Variants in KLHL1 observed in about 807,000 individuals in gnomAD.
KLHL1 encodes the protein kelch-like protein 1.
A neutral mutation model predicts 77.7 loss-of-function variants in KLHL1; 47 were observed. The observed-to-expected ratio is 0.60, with a 90% CI of 0.48 to 0.77. KLHL1 has a LOEUF of 0.77. Ranked by LOEUF, KLHL1 falls within the 30% of genes least tolerant of loss-of-function variation. The pLI, the probability that KLHL1 is intolerant of heterozygous loss-of-function variation, is 0.00. For synonymous variants in KLHL1, 360 were observed against 325.2 expected, an observed-to-expected ratio of 1.11 and a Z score of -1.15; for missense variants, 925 against 910.8, an observed-to-expected ratio of 1.02 and a Z score of -0.20.
At chr13:69,954,231 C>A (rs1348408548) in intron 3 of KLHL1, among the ~76,000 whole-genome samples, 1 of 150,846 alleles carries the variant, frequency 6.6e-6, no homozygotes, top group Non-Finnish European at 1.5e-5. Flanking sequence ...CAAAATAAGT[C>A]CTGGATATCT....
intron 7 of KLHL1, among the ~76,000 whole-genome samples, chr13:69,773,154 A>G (rs552854780): frequency 9.7e-4 from 147 of 152,122 alleles, no homozygotes; most frequent in African/African-American, 3.4e-3. Flanking sequence ...CATAATAGAT[A>G]TATATTAAAT....
chr13:70,045,586 A>G (rs1289467221), intron 1 of KLHL1, among the ~76,000 whole-genome samples: 5 of 152,020 alleles, frequency 3.3e-5, no homozygotes, highest in African/African-American at 1.2e-4. Context: ...ACACACACAC[A>G]CACACACAAG....
At chr13:70,055,004 A>G (rs967153338) in intron 1 of KLHL1, among the ~76,000 whole-genome samples, 2 of 64,932 alleles carry the variant, frequency 3.1e-5, no homozygotes, top group Non-Finnish European at 6.0e-5. Context: ...GGGGTTAAAA[A>G]GTTTATTCAA....
chr13:69,764,280 C>G (rs879090812), intron 7 of KLHL1, among the ~76,000 whole-genome samples: 3 of 152,164 alleles, frequency 2.0e-5, no homozygotes, highest in Non-Finnish European at 4.4e-5. Flanking sequence ...AAGTTGTTTC[C>G]ATACACTGTT....
chr13:69,974,596 G>A (rs942885648), intron 2 of KLHL1, among the ~76,000 whole-genome samples: 4 of 151,822 alleles, frequency 2.6e-5, no homozygotes, highest in African/African-American at 9.7e-5. Context: ...AAATTAATGA[G>A]CATTTGATGT....
At chr13:69,774,614 A>G (rs1431976588) in intron 7 of KLHL1, among the ~76,000 whole-genome samples, 1 of 152,044 alleles carries the variant, frequency 6.6e-6, no homozygotes, top group African/African-American at 2.4e-5. Flanking sequence ...CTTTAGGAGT[A>G]GATATTCTTT....
chr13:69,946,722 A>G (rs566987801), intron 3 of KLHL1, among the ~76,000 whole-genome samples: 1 of 152,198 alleles, frequency 6.6e-6, no homozygotes, highest in South Asian at 2.1e-4. Flanking sequence ...TATGTTGCCC[A>G]GGCTAGTCTA....
chr13:69,900,406 C>T (rs532351184), intron 4 of KLHL1, among the ~76,000 whole-genome samples: 1 of 152,300 alleles, frequency 6.6e-6, no homozygotes, highest in Non-Finnish European at 1.5e-5. Context: ...CAACAGCTGA[C>T]ATTTGGTTAT....
intron 4 of KLHL1, among the ~76,000 whole-genome samples, chr13:69,934,009 T>C (rs539918328): frequency 6.6e-6 from 1 of 152,264 alleles, no homozygotes; most frequent in South Asian, 2.1e-4. Flanking sequence ...CTGGGTTTAT[T>C]ATCCCATTCT....
chr13:69,843,321 C>T (rs1879338405), intron 5 of KLHL1, among the ~76,000 whole-genome samples: 1 of 151,522 alleles, frequency 6.6e-6, no homozygotes, highest in South Asian at 2.1e-4. Context: ...CATGTTTCTT[C>T]TTGCAAAATT....
At chr13:69,994,758 C>T (rs73212571) in intron 1 of KLHL1, among the ~76,000 whole-genome samples, 6 of 152,070 alleles carry the variant, frequency 3.9e-5, no homozygotes, top group Admixed American at 6.6e-5. Flanking sequence ...CTCTATTAAT[C>T]GGAGTTCTAG....
chr13:69,870,263 A>G (rs1176783526), intron 5 of KLHL1, among the ~76,000 whole-genome samples: 1 of 152,130 alleles, frequency 6.6e-6, no homozygotes, highest in African/African-American at 2.4e-5. Flanking sequence ...AGCAAGAGAG[A>G]GAAGCTGGGA....
chr13:69,808,183 C>G (rs1194017065), intron 6 of KLHL1, among the ~76,000 whole-genome samples: 1 of 152,112 alleles, frequency 6.6e-6, no homozygotes, highest in African/African-American at 2.4e-5. Flanking sequence ...AGTGGCTCTT[C>G]CCACTGGGCC....
intron 1 of KLHL1, among the ~76,000 whole-genome samples, chr13:70,077,123 A>G (rs950802198): frequency 6.6e-6 from 1 of 151,984 alleles, no homozygotes; most frequent in African/African-American, 2.4e-5. Flanking sequence ...GAGCTTTTAG[A>G]TATTTACTCA....
intron 1 of KLHL1, among the ~76,000 whole-genome samples, chr13:70,024,599 T>C (rs1489914382): frequency 6.6e-6 from 1 of 151,274 alleles, no homozygotes; most frequent in Non-Finnish European, 1.5e-5. Flanking sequence ...AAGATTCTGG[T>C]TAGGGGTGAG....
intron 4 of KLHL1, among the ~76,000 whole-genome samples, chr13:69,916,950 T>G (rs1340734741): frequency 6.6e-6 from 1 of 151,314 alleles, no homozygotes; most frequent in South Asian, 2.1e-4. Context: ...TGCAGAAGAG[T>G]GTGTAGGCTA....
At chr13:70,041,875 G>C (rs1179465462) in intron 1 of KLHL1, among the ~76,000 whole-genome samples, 1 of 152,142 alleles carries the variant, frequency 6.6e-6, no homozygotes, top group East Asian at 1.9e-4. Flanking sequence ...CAACACCACT[G>C]TTGGATGGAC....
chr13:69,861,804 A>AAAAAAAAAC (rs1566337996), intron 5 of KLHL1, among the ~76,000 whole-genome samples: 1 of 148,120 alleles, frequency 6.8e-6, no homozygotes, highest in Non-Finnish European at 1.5e-5. Flanking sequence ...AAAAAAAAAA[A>AAAAAAAAAC]AAAATACAAA....
intron 4 of KLHL1, among the ~76,000 whole-genome samples, chr13:69,922,072 G>A (rs958899092): frequency 6.6e-6 from 1 of 151,844 alleles, no homozygotes; most frequent in Non-Finnish European, 1.5e-5. Flanking sequence ...GGGACTAAAC[G>A]TGCACACGAC....
Sources: gnomAD v4.1 joint callset for allele counts (sites outside exome capture counted in the v4.1 genomes callset) on GRCh38, gnomAD v4.1.1 for gene constraint, MANE v1.5 for transcripts, NCBI Gene and HGNC (gene_info 2026-07-23, HGNC 2026-07-21) for gene names.